ZNF91: variants seen among roughly 807,000 people sequenced by gnomAD.
ZNF91 encodes zinc finger protein 91.
Under a neutral mutation model 12.6 loss-of-function variants are expected in ZNF91, and 7 were observed. The observed-to-expected ratio is 0.55, with a 90% CI of 0.31 to 1.04. The LOEUF is 1.04. Among genes scored for constraint, ZNF91 ranks in the 50% least tolerant of loss-of-function variants. The pLI is 0.05. For synonymous variants in ZNF91, 453 were observed against 462.6 expected (o/e 0.98, Z 0.27); for missense variants, 1,217 against 1,385.4 (o/e 0.88, Z 1.93).
rs1413384825 is a variant in ZNF91, at chr19:23,395,417, AGAG to A, written c.-66_-64del. The A allele has an allele frequency of 3.1e-6, 5 of 1,594,822 alleles. No homozygotes were observed. Among genetic ancestry groups the A allele is most frequent in the African/African-American group, 1.3e-5 (1 of 74,238 alleles). On this transcript the variant is annotated 5_prime_UTR_variant, in exon 1 of 4. Coordinates refer to ENST00000300619, the MANE Select transcript of ZNF91 (RefSeq NM_003430.4). ...CCACACAGGCTGGGCCTCCTGGAGC[AGAG>A]GACACAGAGCAGTGAAGTCGAGACC...
intron 1 of ZNF91, among the ~76,000 whole-genome samples, chr19:23,376,517 G>A (rs949717321): frequency 1.3e-5 from 2 of 152,020 alleles, no homozygotes; most frequent in Non-Finnish European, 2.9e-5. Context: ...AGCCTGCCGA[G>A]TAGCTGTGAT....
At chr19:23,342,120 G>C (rs1195426318) in intron 3 of ZNF91, 2 of 392,176 alleles carry the variant, frequency 5.1e-6, no homozygotes, top group Admixed American at 7.7e-5. Context: ...AATTCTTTCT[G>C]ACCTTCGTAT....
chr19:23,392,198 C>T (rs929834833), intron 1 of ZNF91, among the ~76,000 whole-genome samples: 1 of 151,554 alleles, frequency 6.6e-6, no homozygotes, highest in African/African-American at 2.4e-5. Flanking sequence ...GAGTTCGAGA[C>T]CAGCCTGGCC....
chr19:23,346,816 T>C (rs1968242540), intron 3 of ZNF91, among the ~76,000 whole-genome samples: 1 of 152,110 alleles, frequency 6.6e-6, no homozygotes, highest in South Asian at 2.1e-4. Context: ...GTTTATTCAA[T>C]CCATAACGTC....
At chr19:23,378,798 G>A (rs1969596091) in intron 1 of ZNF91, among the ~76,000 whole-genome samples, 1 of 152,154 alleles carries the variant, frequency 6.6e-6, no homozygotes, top group Admixed American at 6.5e-5. Context: ...CCAGTTGCTA[G>A]TCTAGACTAA....
Position 23,321,550 on chromosome 19 carries a change from C to T in ZNF91, n.117-12453G>A, listed in dbSNP as rs184029461. Among the ~76,000 whole-genome samples the T allele has an allele frequency of 6.6e-5, 10 of 152,210 alleles. No homozygotes were observed. The East Asian group carries it at 1.9e-3, about 30-fold the overall frequency. On this transcript the variant is annotated intron_variant and non_coding_transcript_variant, in intron 1 of 1. Coordinates refer to the ZNF91 transcript ENST00000596528. ...ACCTAGCTCATGTGACACTTCTCTT[C>T]TTCCTAGGTTCTGCCCACAGGGGAG...
At chr19:23,307,823 C>A (rs1269232142) in intron 2 of ZNF91, 1 of 152,258 alleles carries the variant, frequency 6.6e-6, no homozygotes, top group African/African-American at 2.4e-5. Flanking sequence ...ATGTAACTCT[C>A]CTCTACTACT....
intron 1 of ZNF91, among the ~76,000 whole-genome samples, chr19:23,392,627 AC>A (rs200418885): frequency 0.014 from 2,103 of 152,160 alleles, 27 homozygotes; most frequent in Middle Eastern, 0.051. Context: ...CCCCATCTCT[AC>A]TAAAAATACA....
Position 23,395,438 on chromosome 19 carries a change from T to G in ZNF91, c.-84A>C. On this transcript the variant is annotated 5_prime_UTR_variant, in exon 1 of 4. Transcript: ENST00000300619. ...GAGCAGAGGACACAGAGCAGTGAAG[T>G]CGAGACCTGGAAACTCCGGCGGCAG... is the stretch of plus-strand genomic sequence containing the variant. The G allele has an allele frequency of 1.3e-6, 2 of 1,533,124 alleles. No individual in the cohort carries two copies. The highest frequency in any genetic ancestry group is 1.4e-5 in the African/African-American group (1 of 71,710). The allele number at this position is 1,533,124 out of a possible 1,614,324, so 95.0% of individuals were successfully genotyped here. A position where few individuals can be genotyped will look rare whatever the true frequency, so the allele number is the denominator to read the frequency against.
At chr19:23,368,360 C>T (rs1049989211) in intron 3 of ZNF91, among the ~76,000 whole-genome samples, 2 of 151,372 alleles carry the variant, frequency 1.3e-5, no homozygotes, top group African/African-American at 4.8e-5. Context: ...ACTAAAAATA[C>T]AAAAATTAGC....
intron 2 of ZNF91, chr19:23,307,764 C>T (rs1967416685): frequency 6.6e-6 from 1 of 152,214 alleles, no homozygotes; most frequent in Non-Finnish European, 1.5e-5. Flanking sequence ...TGCCTGTACC[C>T]TCCCCTCAGC....
chr19:23,376,940 TTG>T (rs1969524312), intron 1 of ZNF91, among the ~76,000 whole-genome samples: 1 of 152,168 alleles, frequency 6.6e-6, no homozygotes, highest in Non-Finnish European at 1.5e-5. Flanking sequence ...CTTTAATAAT[TTG>T]AGCACATGTT....
At chr19:23,389,612 G>A (rs1429326020) in intron 1 of ZNF91, among the ~76,000 whole-genome samples, 1 of 152,092 alleles carries the variant, frequency 6.6e-6, no homozygotes, top group Non-Finnish European at 1.5e-5. Flanking sequence ...CCTGGAAGGG[G>A]AGCTGGAATC....
At chr19:23,355,003 G>A (rs1420975403), downstream of ZNF91, among the ~76,000 whole-genome samples, 2 of 152,030 alleles carry the variant, frequency 1.3e-5, no homozygotes, top group Admixed American at 6.5e-5. Flanking sequence ...CACAAGCATG[G>A]GTAGAATAAT....
downstream of ZNF91, among the ~76,000 whole-genome samples, chr19:23,356,911 T>C (rs539453378): frequency 6.6e-5 from 10 of 152,120 alleles, no homozygotes; most frequent in South Asian, 1.9e-3. Flanking sequence ...TTGACCAACA[T>C]GGTGAAACCC....
intron 1 of ZNF91, among the ~76,000 whole-genome samples, chr19:23,330,092 C>T (rs996696895): frequency 6.6e-6 from 1 of 152,246 alleles, no homozygotes; most frequent in Admixed American, 6.5e-5. Context: ...CCCAGCACTT[C>T]TGGAGGCTGA....
At chr19:23,379,149 C>G (rs1183300431) in intron 1 of ZNF91, among the ~76,000 whole-genome samples, 1 of 152,048 alleles carries the variant, frequency 6.6e-6, no homozygotes, top group African/African-American at 2.4e-5. Context: ...GCTGATGGTC[C>G]AATAATAAGC....
At position 23,360,205 on chromosome 19, in the gene ZNF91, A is replaced by C. The variant is rs1163288993; in HGVS notation, c.2774T>G (p.Leu925Arg). 5 of 1,613,792 alleles carry C rather than the reference A, an allele frequency of 3.1e-6. No homozygotes were observed. The highest frequency in any genetic ancestry group is 1.1e-5 in the South Asian group (1 of 91,074). Residue 925 changes from leucine to arginine, a missense_variant, in exon 4 of 4, where the codon CTT becomes CGT. Leu to Arg is a moderately radical substitution (Grantham distance 102). Transcript: ENST00000300619. Reference sequence around the variant, plus strand: ...AGTGTGCATCCTCTTATGTGTAGTAAGGTGTGAAGGCTGGCTAAATGCTTT... The same window carrying C: ...AGTGTGCATCCTCTTATGTGTAGTACGGTGTGAAGGCTGGCTAAATGCTTT... ...CGKAFSQPSH[L>R]TTHKRMHTGE...
intron 1 of ZNF91, among the ~76,000 whole-genome samples, chr19:23,387,350 C>G (rs750363062): frequency 4.6e-5 from 7 of 152,184 alleles, no homozygotes; most frequent in Non-Finnish European, 1.0e-4. Context: ...AAGGGTGTTT[C>G]ACTGCAGCAC....
Sources: allele counts gnomAD v4.1 joint callset (sites outside exome capture counted in the v4.1 genomes callset), GRCh38; gene constraint gnomAD v4.1.1; transcripts MANE v1.5; gene names NCBI Gene and HGNC (gene_info 2026-07-23, HGNC 2026-07-21).